The following NALF1 variants were observed in gnomAD, a reference collection of about 807,000 sequenced individuals.
The protein encoded by NALF1 is family with sequence similarity 155 member A.
NALF1 carries 3 observed loss-of-function variants against 48.4 expected under a neutral mutation model. The observed-to-expected ratio is 0.06, with a 90% CI of 0.03 to 0.16. The LOEUF is 0.16. NALF1 is among the 10% of genes least tolerant of loss of function. NALF1 has a pLI of 1.00. For synonymous variants in NALF1, 262 were observed against 245.7 expected (o/e 1.07, Z -0.62); for missense variants, 526 against 571.5 (o/e 0.92, Z 0.81).
chr13:107,519,986 A>T (rs1049351046), intron 1 of NALF1, among the ~76,000 whole-genome samples: 4 of 152,208 alleles, frequency 2.6e-5, no homozygotes, highest in African/African-American at 9.6e-5. Context: ...TGCTTTAAAA[A>T]TTGGAATTGC....
intron 1 of NALF1, among the ~76,000 whole-genome samples, chr13:107,307,654 A>C (rs1034880312): frequency 2.0e-5 from 3 of 151,200 alleles, no homozygotes; most frequent in African/African-American, 7.3e-5. Context: ...AAAAAAAAAA[A>C]AACTTGCTGG....
At chr13:107,239,383 T>C (rs1174209330) in intron 1 of NALF1, among the ~76,000 whole-genome samples, 6 of 152,316 alleles carry the variant, frequency 3.9e-5, no homozygotes, top group African/African-American at 1.4e-4. Flanking sequence ...TCTGCCTCTC[T>C]GGTCACATGG....
At chr13:107,780,892 T>C (rs1339287005) in intron 1 of NALF1, among the ~76,000 whole-genome samples, 1 of 152,178 alleles carries the variant, frequency 6.6e-6, no homozygotes, top group Non-Finnish European at 1.5e-5. Flanking sequence ...CTGATAAAAA[T>C]CTGAGCTCTT....
chr13:107,825,313 T>C lies in NALF1; in HGVS notation c.915+40369A>G, dbSNP rs140459057. Among the ~76,000 whole-genome samples, 6 of 152,368 alleles carry C rather than the reference T, an allele frequency of 3.9e-5. 1 individual carries two copies. The highest frequency in any genetic ancestry group is 3.4e-3 in the Middle Eastern group (1 of 294). ...AACTAAAATATCTTGTGTCTCTATA[T>C]AATTTTCTTCTCTAACCTAACCTAA... On this transcript the variant is annotated intron_variant, in intron 1 of 2. Transcript: ENST00000375915.
At position 107,866,187 on chromosome 13, in the gene NALF1, T is replaced by G; in HGVS notation, c.410A>C (p.Asp137Ala). Residue 137 changes from aspartate (D) to alanine (A), a missense_variant, in exon 1 of 3, where the codon GAC becomes GCC. Physicochemically the swap from Asp to Ala is moderately radical, Grantham distance 126. This residue lies in a region of NALF1 where 373 missense variants were observed against 355.5 expected (regional missense o/e 1.05). Transcript: ENST00000375915. The surrounding 1 kb of genome is among the most constrained non-coding windows in gnomAD (Gnocchi z 4.4). Reference protein sequence around the residue: ...SSPTLPPSPGDGGGGGGKGNR... With the variant: ...SSPTLPPSPGAGGGGGGKGNR... ...GCCCTTGCCGCCGCCGCCGCCGCCG[T>G]CTCCCGGGGAGGGGGGCAGGGTGGG... 1 of 1,602,576 alleles carries G rather than the reference T, an allele frequency of 6.2e-7. No individual in the cohort carries two copies. The highest frequency in any genetic ancestry group is 8.5e-7 in the Non-Finnish European group (1 of 1,175,126).
At chr13:107,818,722 A>T (rs1253022662) in intron 1 of NALF1, among the ~76,000 whole-genome samples, 1 of 148,590 alleles carries the variant, frequency 6.7e-6, no homozygotes, top group African/African-American at 2.5e-5. Flanking sequence ...AATACAAAAA[A>T]TTAGCCGGGC....
intron 1 of NALF1, among the ~76,000 whole-genome samples, chr13:107,459,392 A>AATATATAT (rs143428781): frequency 1.3e-5 from 2 of 150,546 alleles, no homozygotes; most frequent in Non-Finnish European, 3.0e-5. Context: ...AAAACATACA[A>AATATATAT]ATATATATAT....
chr13:107,627,511 C>A (rs1010431113), intron 1 of NALF1, among the ~76,000 whole-genome samples: 27 of 152,058 alleles, frequency 1.8e-4, no homozygotes, highest in African/African-American at 6.5e-4. Flanking sequence ...TAATGAGGAA[C>A]CCCTTCTGTA....
intron 1 of NALF1, among the ~76,000 whole-genome samples, chr13:107,547,780 A>T (rs1271152324): frequency 2.6e-5 from 4 of 152,214 alleles, no homozygotes; most frequent in African/African-American, 4.8e-5. Flanking sequence ...CACTTCTCTT[A>T]AATTGAAATG....
chr13:107,835,474 G>A (rs1202775610), intron 1 of NALF1: 1 of 152,128 alleles, frequency 6.6e-6, no homozygotes, highest in East Asian at 1.9e-4. Flanking sequence ...TCCTTTTAGG[G>A]ACTGCCCCTT....
chr13:107,831,855 C>T (rs888719794), intron 1 of NALF1, among the ~76,000 whole-genome samples: 2 of 152,098 alleles, frequency 1.3e-5, no homozygotes, highest in African/African-American at 4.8e-5. Context: ...AGTTTAGCTT[C>T]GGTTTAAATT....
At chr13:107,769,330 C>T (rs1025808711) in intron 1 of NALF1, among the ~76,000 whole-genome samples, 1 of 148,538 alleles carries the variant, frequency 6.7e-6, no homozygotes, top group Admixed American at 6.7e-5. Flanking sequence ...GAAAATGTGG[C>T]ACATATACAC....
intron 1 of NALF1, among the ~76,000 whole-genome samples, chr13:107,228,478 G>C (rs1880153243): frequency 6.6e-6 from 1 of 152,056 alleles, no homozygotes; most frequent in South Asian, 2.1e-4. Context: ...GGTCGGGAGG[G>C]GTGAATCAAT....
Position 107,167,107 on chromosome 13 carries a change from C to A in NALF1, c.*3390G>T, listed in dbSNP as rs1236716259. ...CAACATATTCCAGAAACTGAAATTT[C>A]TCTATTGCAGATAAAAAGAATAATA... On this transcript the variant is annotated 3_prime_UTR_variant, in exon 3 of 3. Coordinates refer to ENST00000375915, the MANE Select transcript of NALF1 (RefSeq NM_001080396.3). 7 of 152,168 alleles carry A rather than the reference C, an allele frequency of 4.6e-5. No individual in the cohort carries two copies. The highest frequency in any genetic ancestry group is 2.6e-4 in the Admixed American group (4 of 15,278). 9.4% of individuals were successfully genotyped at this position (152,168 alleles called of 1,614,324 possible). A position where few individuals can be genotyped will look rare whatever the true frequency, so the allele number is the denominator to read the frequency against.
intron 1 of NALF1, among the ~76,000 whole-genome samples, chr13:107,383,241 A>G (rs755996039): frequency 1.3e-5 from 2 of 152,256 alleles, no homozygotes; most frequent in Non-Finnish European, 2.9e-5. Flanking sequence ...TATCTAATAC[A>G]CAACTTTAGG....
chr13:107,279,083 T>C (rs1167437144), intron 1 of NALF1, among the ~76,000 whole-genome samples: 1 of 135,960 alleles, frequency 7.4e-6, no homozygotes, highest in Non-Finnish European at 1.5e-5. Context: ...CTGCAGTACC[T>C]CAAACTCTGA....
intron 1 of NALF1, among the ~76,000 whole-genome samples, chr13:107,757,635 G>GTA (rs1239343508): frequency 1.3e-5 from 2 of 152,016 alleles, no homozygotes; most frequent in Non-Finnish European, 2.9e-5. Flanking sequence ...CTGGTTATGT[G>GTA]TATACACACA....
chr13:107,783,720 A>T (rs1457023551), intron 1 of NALF1, among the ~76,000 whole-genome samples: 1 of 151,800 alleles, frequency 6.6e-6, no homozygotes, highest in Non-Finnish European at 1.5e-5. Context: ...AGGGACACAA[A>T]CACTGCGGAA....
At chr13:107,703,161 C>T (rs762860524) in intron 1 of NALF1, among the ~76,000 whole-genome samples, 1 of 152,172 alleles carries the variant, frequency 6.6e-6, no homozygotes, top group Non-Finnish European at 1.5e-5. Flanking sequence ...TGTCACTCTT[C>T]TTATTCACCT....
Sources: gnomAD v4.1 joint callset for allele counts (sites outside exome capture counted in the v4.1 genomes callset) on GRCh38, gnomAD v4.1.1 for gene constraint, gnomAD v4.1.1 regional missense constraint, Gnocchi (gnomAD v3.1) non-coding constraint, MANE v1.5 for transcripts, NCBI Gene and HGNC (gene_info 2026-07-23, HGNC 2026-07-21) for gene names.